Variants in NXPH1 observed in about 807,000 individuals in gnomAD.
NXPH1 encodes the protein neurexophilin 1.
In NXPH1, 5 loss-of-function variants were observed where a neutral mutation model predicts 23.7. That is an observed-to-expected ratio of 0.21 (90% CI 0.11 to 0.44). The LOEUF (loss-of-function observed/expected upper bound fraction) is 0.44. Ranked by LOEUF, NXPH1 falls within the 20% of genes least tolerant of loss-of-function variation. The probability of loss-of-function intolerance (pLI) is 0.99; values close to 1 mark genes in which losing one functional copy is unlikely to be tolerated. For synonymous variants in NXPH1, 144 were observed against 122.2 expected, an observed-to-expected ratio of 1.18 and a Z score of -1.18; for missense variants, 324 against 321.6, an observed-to-expected ratio of 1.01 and a Z score of -0.06.
At chr7:8,496,512 A>G (rs1208900395) in intron 2 of NXPH1, among the ~76,000 whole-genome samples, 1 of 152,088 alleles carries the variant, frequency 6.6e-6, no homozygotes, top group African/African-American at 2.4e-5. Context: ...GAGCCTTGAG[A>G]CCTGCCCAAG....
chr7:8,618,672 C>T (rs1819798158), intron 2 of NXPH1, among the ~76,000 whole-genome samples: 1 of 152,164 alleles, frequency 6.6e-6, no homozygotes, highest in Admixed American at 6.6e-5. Flanking sequence ...TACCCTTTTG[C>T]TAATGCATTG....
intron 2 of NXPH1, among the ~76,000 whole-genome samples, chr7:8,541,086 G>C (rs1437800102): frequency 1.3e-5 from 2 of 151,668 alleles, no homozygotes; most frequent in South Asian, 2.1e-4. Context: ...CACTAATGAG[G>C]AGAAAAATCA....
At chr7:8,659,310 G>T (rs1175210350) in intron 2 of NXPH1, among the ~76,000 whole-genome samples, 1 of 152,136 alleles carries the variant, frequency 6.6e-6, no homozygotes, top group African/African-American at 2.4e-5. Flanking sequence ...TAGGGATATT[G>T]TTTCTCAGAC....
intron 2 of NXPH1, among the ~76,000 whole-genome samples, chr7:8,601,421 C>A (rs1012288776): frequency 2.0e-5 from 3 of 152,128 alleles, no homozygotes; most frequent in Admixed American, 6.5e-5. Context: ...ACAATGCTAC[C>A]AAACTGGTGT....
chr7:8,577,890 C>T (rs969057483), intron 2 of NXPH1, among the ~76,000 whole-genome samples: 2 of 152,148 alleles, frequency 1.3e-5, no homozygotes, highest in African/African-American at 2.4e-5. Context: ...ACTTATCGTA[C>T]CAAATTGTGA....
At position 8,465,371 on chromosome 7, in the gene NXPH1, T is replaced by C. The variant is rs557065302; in HGVS notation, c.54+29604T>C. ...CTCTATGCTCAGGTGACATTGGGGA[T>C]TGTGTCTCCTGAAGGATTAATTACC... is the stretch of plus-strand genomic sequence containing the variant. On this transcript the variant is annotated intron_variant, in intron 2 of 2. Transcript: ENST00000405863. 9.2e-5 allele frequency among the ~76,000 whole-genome samples: 14 copies of C among 152,252 alleles called. No individual in the cohort carries two copies. In the South Asian group the frequency reaches 2.9e-3, roughly 32 times the overall value.
rs560648504 is a variant in NXPH1, at chr7:8,743,307, T to G, written c.55-7701T>G. On this transcript the variant is annotated intron_variant, in intron 2 of 2. Transcript: ENST00000405863. ...ATCAACAGTAAAATATGCAGGTTGG[T>G]AAAAGTTAAAAGACATCTCATTTCT... Among the ~76,000 whole-genome samples, 7 of 152,292 alleles carry G rather than the reference T, an allele frequency of 4.6e-5. No homozygotes were observed. The East Asian group carries it at 1.3e-3, about 29-fold the overall frequency.
chr7:8,579,335 T>C (rs1049414880), intron 2 of NXPH1, among the ~76,000 whole-genome samples: 8 of 151,624 alleles, frequency 5.3e-5, no homozygotes, highest in African/African-American at 1.9e-4. Context: ...GCTATTAATC[T>C]AAGATTCATG....
chr7:8,476,085 C>A (rs905596603), intron 2 of NXPH1, among the ~76,000 whole-genome samples: 11 of 152,100 alleles, frequency 7.2e-5, no homozygotes, highest in African/African-American at 2.7e-4. Flanking sequence ...TTGATAAGTT[C>A]TTCTACAGTA....
chr7:8,687,405 T>C (rs892191373), intron 2 of NXPH1, among the ~76,000 whole-genome samples: 2 of 152,158 alleles, frequency 1.3e-5, no homozygotes, highest in African/African-American at 2.4e-5. Flanking sequence ...GTATTACTAA[T>C]TTTTTCCCAT....
chr7:8,623,266 C>T (rs555354960), intron 2 of NXPH1, among the ~76,000 whole-genome samples: 1 of 152,056 alleles, frequency 6.6e-6, no homozygotes, highest in South Asian at 2.1e-4. Context: ...AGAGTAGAGA[C>T]AAAGGTTCAT....
chr7:8,716,026 G>T (rs541187562), intron 2 of NXPH1, among the ~76,000 whole-genome samples: 1 of 152,202 alleles, frequency 6.6e-6, no homozygotes, highest in Non-Finnish European at 1.5e-5. Context: ...ATGGTGGGTT[G>T]TAGGTGCTGA....
In NXPH1 at chr7:8,435,534, T is replaced by C; in HGVS notation, c.-110-70T>C. On this transcript the variant is annotated intron_variant, in intron 1 of 2. Coordinates refer to ENST00000405863, the MANE Select transcript of NXPH1 (RefSeq NM_152745.3). The surrounding 1 kb of genome is among the most constrained non-coding windows in gnomAD (Gnocchi z 5.9). ...CCCCCACTCCCCGCTACGACCCCCT[T>C]TCCCCGCTTGATTGTCAAGCCTAAC... 1.7e-6 allele frequency: 1 copy of C among 595,900 alleles called. No homozygotes were observed. Among genetic ancestry groups the C allele is most frequent in the Non-Finnish European group, 3.0e-6 (1 of 329,468 alleles). 36.9% of individuals were successfully genotyped at this position (595,900 alleles called of 1,614,324 possible). A position where few individuals can be genotyped will look rare whatever the true frequency, so the allele number is the denominator to read the frequency against.
chr7:8,675,177 G>T (rs1367162867), intron 2 of NXPH1, among the ~76,000 whole-genome samples: 1 of 151,726 alleles, frequency 6.6e-6, no homozygotes, highest in African/African-American at 2.4e-5. Flanking sequence ...TATAATATTG[G>T]GTAAGTATTT....
intron 2 of NXPH1, among the ~76,000 whole-genome samples, chr7:8,466,823 C>T (rs565630255): frequency 6.6e-6 from 1 of 152,258 alleles, no homozygotes; most frequent in East Asian, 1.9e-4. Context: ...CCACCCTGCC[C>T]AGCTCCATTT....
chr7:8,726,948 A>T (rs945321202), intron 2 of NXPH1, among the ~76,000 whole-genome samples: 5 of 149,804 alleles, frequency 3.3e-5, no homozygotes, highest in African/African-American at 1.2e-4. Flanking sequence ...TTACAGTCCC[A>T]CCAACAGTGT....
chr7:8,464,453 A>G (rs1029384440), intron 2 of NXPH1, among the ~76,000 whole-genome samples: 1 of 152,178 alleles, frequency 6.6e-6, no homozygotes, highest in African/African-American at 2.4e-5. Context: ...TTAATCTTCC[A>G]GTCTTTTTAC....
intron 2 of NXPH1, among the ~76,000 whole-genome samples, chr7:8,533,742 T>C (rs1041810160): frequency 6.6e-6 from 1 of 152,134 alleles, no homozygotes; most frequent in East Asian, 1.9e-4. Flanking sequence ...CCCAGTGGCA[T>C]TGGTCCCACG....
intron 2 of NXPH1, among the ~76,000 whole-genome samples, chr7:8,458,150 C>G (rs186736814): frequency 1.9e-4 from 29 of 152,288 alleles, no homozygotes; most frequent in Admixed American, 5.9e-4. Context: ...TACGCTTCTT[C>G]CTATGTAATC....
Sources: allele counts gnomAD v4.1 joint callset (sites outside exome capture counted in the v4.1 genomes callset), GRCh38; gene constraint gnomAD v4.1.1; non-coding constraint Gnocchi (gnomAD v3.1); transcripts MANE v1.5; gene names NCBI Gene and HGNC (gene_info 2026-07-23, HGNC 2026-07-21).